Variants in IGF1 observed in about 807,000 individuals in gnomAD.
IGF1 encodes the protein insulin like growth factor 1.
A neutral mutation model predicts 13.8 loss-of-function variants in IGF1; 4 were observed. The ratio of observed to expected loss-of-function variants is 0.29; its 90% CI spans 0.14 to 0.66. IGF1 has a LOEUF of 0.66. Among genes scored for constraint, IGF1 ranks in the 30% least tolerant of loss-of-function variants. IGF1 has a pLI of 0.78. For missense variants in IGF1, 124 were observed against 188.5 expected (o/e 0.66, Z 2.00); for synonymous variants, 76 against 72.6 (o/e 1.05, Z -0.23).
intron 3 of IGF1, among the ~76,000 whole-genome samples, chr12:102,406,655 T>C (rs1219337690): frequency 2.6e-5 from 4 of 152,194 alleles, no homozygotes; most frequent in Non-Finnish European, 5.9e-5. Context: ...ATTTGTGATA[T>C]ATATGATTAC....
intron 3 of IGF1, among the ~76,000 whole-genome samples, chr12:102,413,543 T>A (rs544323390): frequency 2.0e-5 from 3 of 152,300 alleles, no homozygotes; most frequent in Non-Finnish European, 2.9e-5. Flanking sequence ...TGTGAGGTTT[T>A]GTTTGTTTTC....
At chr12:102,414,929 A>G (rs1874953698) in intron 3 of IGF1, among the ~76,000 whole-genome samples, 1 of 152,218 alleles carries the variant, frequency 6.6e-6, no homozygotes, top group South Asian at 2.1e-4. Flanking sequence ...GGAATTTTAA[A>G]TGATTATTAA....
intron 3 of IGF1, chr12:102,417,571 A>AT (rs549389180): frequency 0.023 from 21,964 of 943,158 alleles, 26 homozygotes; most frequent in Middle Eastern, 0.039. Flanking sequence ...TATAATTTTT[A>AT]TTTTTTTTTT....
chr12:102,444,271 G>A (rs1044209507), intron 2 of IGF1, among the ~76,000 whole-genome samples: 1 of 151,078 alleles, frequency 6.6e-6, no homozygotes, highest in African/African-American at 2.4e-5. Context: ...CTACCTAACA[G>A]TTTTGTCCAG....
At chr12:102,454,166 T>G (rs927531848) in intron 2 of IGF1, among the ~76,000 whole-genome samples, 1 of 152,240 alleles carries the variant, frequency 6.6e-6, no homozygotes, top group Non-Finnish European at 1.5e-5. Flanking sequence ...AGTTTCTGTG[T>G]CCAGAATTTT....
chr12:102,455,047 C>T (rs1483322035), intron 2 of IGF1, among the ~76,000 whole-genome samples: 2 of 152,174 alleles, frequency 1.3e-5, no homozygotes, highest in African/African-American at 2.4e-5. Context: ...GAGGACATGG[C>T]CCCAGCCACC....
intron 2 of IGF1, among the ~76,000 whole-genome samples, chr12:102,421,349 T>C (rs1171203358): frequency 2.0e-5 from 3 of 152,094 alleles, no homozygotes; most frequent in Non-Finnish European, 4.4e-5. Flanking sequence ...ATGTAAACAA[T>C]ATTTTTTTGT....
chr12:102,476,404 T>C (rs896105765), intron 1 of IGF1, among the ~76,000 whole-genome samples: 1 of 115,790 alleles, frequency 8.6e-6, no homozygotes. Flanking sequence ...TTTTGTTTCC[T>C]CAATATGAGA....
Position 102,480,457 on chromosome 12 carries a change from G to A in IGF1, c.-76C>T. 1 of 1,605,830 alleles carries A rather than the reference G, an allele frequency of 6.2e-7. No homozygotes were observed. Among genetic ancestry groups the A allele is most frequent in the Non-Finnish European group, 8.5e-7 (1 of 1,176,864 alleles). ...AGCAAAAAGAAATCCAGAGAGATGG[G>A]AGATGTTGAGAGCAATGTCACATTT... On this transcript the variant is annotated 5_prime_UTR_variant, in exon 1 of 4. Transcript: ENST00000337514.
At chr12:102,480,265 G>A (rs1881322650) in intron 1 of IGF1, 54 bp downstream of exon 1, 2 of 1,518,676 alleles carry the variant, frequency 1.3e-6, no homozygotes, top group Non-Finnish European at 9.1e-7. Context: ...GAAGCAAACA[G>A]TACACAATTT....
At chr12:102,464,014 T>A (rs991923722) in intron 2 of IGF1, among the ~76,000 whole-genome samples, 1 of 152,236 alleles carries the variant, frequency 6.6e-6, no homozygotes, top group Non-Finnish European at 1.5e-5. Context: ...AAACCACTTG[T>A]AGTGTTCTCT....
At position 102,398,737 on chromosome 12, in the gene IGF1, A is replaced by G. The variant is rs1873432691; in HGVS notation, c.*3770T>C. On this transcript the variant is annotated 3_prime_UTR_variant, in exon 4 of 4. Coordinates refer to ENST00000337514, the MANE Select transcript of IGF1 (RefSeq NM_000618.5). The stretch of plus-strand genomic sequence containing the variant: ...TGCTATTTTATTAAGCCATCTATCT[A>G]TAGAATTGTTGTTTTTATACTTTAA... 6.6e-6 allele frequency: 1 copy of G among 152,188 alleles called. No homozygotes were observed. Among genetic ancestry groups the G allele is most frequent in the African/African-American group, 2.4e-5 (1 of 41,442 alleles). The allele number at this position is 152,188 out of a possible 1,614,324, so 9.4% of individuals were successfully genotyped here. A position where few individuals can be genotyped will look rare whatever the true frequency, so the allele number is the denominator to read the frequency against.
At chr12:102,417,230 G>A (rs1875223295) in intron 3 of IGF1, among the ~76,000 whole-genome samples, 1 of 152,218 alleles carries the variant, frequency 6.6e-6, no homozygotes, top group Non-Finnish European at 1.5e-5. Context: ...GAAGAGTGCA[G>A]TGACCTCTTC....
At chr12:102,439,552 T>C (rs776256569) in intron 2 of IGF1, among the ~76,000 whole-genome samples, 6 of 152,070 alleles carry the variant, frequency 3.9e-5, no homozygotes, top group African/African-American at 7.2e-5. Context: ...CAACAAATTG[T>C]AATATGAGGC....
intron 2 of IGF1, among the ~76,000 whole-genome samples, chr12:102,420,879 A>G: frequency 6.6e-6 from 1 of 152,230 alleles, no homozygotes; most frequent in East Asian, 1.9e-4. Flanking sequence ...CATGTATTCA[A>G]TCTTAATTCC....
chr12:102,454,110 C>A (rs1014503060), intron 2 of IGF1, among the ~76,000 whole-genome samples: 1 of 152,226 alleles, frequency 6.6e-6, no homozygotes, highest in East Asian at 1.9e-4. Context: ...CATGCACCTG[C>A]AAACATACTC....
At chr12:102,409,302 A>G (rs1874434207) in intron 3 of IGF1, among the ~76,000 whole-genome samples, 1 of 152,298 alleles carries the variant, frequency 6.6e-6, no homozygotes, top group East Asian at 1.9e-4. Flanking sequence ...TCAAGCATTG[A>G]TGTTCTGTAG....
chr12:102,466,352 G>A (rs561235530), intron 2 of IGF1, among the ~76,000 whole-genome samples: 3 of 152,186 alleles, frequency 2.0e-5, no homozygotes, highest in South Asian at 4.2e-4. Flanking sequence ...ATCTCGACTC[G>A]GGGGTGATTT....
intron 2 of IGF1, among the ~76,000 whole-genome samples, chr12:102,424,764 T>C (rs1458778189): frequency 6.6e-6 from 1 of 152,188 alleles, no homozygotes; most frequent in Non-Finnish European, 1.5e-5. Context: ...CATAAATTTC[T>C]AATATAAGGA....
Sources: gnomAD v4.1 joint callset for allele counts (sites outside exome capture counted in the v4.1 genomes callset) on GRCh38, gnomAD v4.1.1 for gene constraint, MANE v1.5 for transcripts, NCBI Gene and HGNC (gene_info 2026-07-23, HGNC 2026-07-21) for gene names.